The following ADGRB2 variants were observed in gnomAD, a reference collection of about 807,000 sequenced individuals.
ADGRB2 encodes brain-specific angiogenesis inhibitor 2.
ADGRB2 carries 47 observed loss-of-function variants against 178.7 expected under a neutral mutation model. The ratio of observed to expected loss-of-function variants is 0.26; its 90% CI spans 0.21 to 0.34. The LOEUF is 0.34. ADGRB2 is among the 10% of genes least tolerant of loss of function. The pLI, the probability that ADGRB2 is intolerant of heterozygous loss-of-function variation, is 1.00. For synonymous variants in ADGRB2, 870 were observed against 912.4 expected, an observed-to-expected ratio of 0.95 and a Z score of 0.84; for missense variants, 1,584 against 2,180.8, an observed-to-expected ratio of 0.73 and a Z score of 5.45.
In ADGRB2 at chr1:31,742,840, G is replaced by A. The variant is rs1019036110; in HGVS notation, c.1250C>T (p.Pro417Leu). 5 of 1,472,200 alleles carry A rather than the reference G, an allele frequency of 3.4e-6. No individual in the cohort carries two copies. The highest frequency in any genetic ancestry group is 4.5e-5 in the Admixed American group (2 of 44,460). The allele number at this position is 1,472,200 out of a possible 1,614,324, so 91.2% of individuals were successfully genotyped here. Residue 417 changes from proline (P) to leucine (L), a missense_variant and splice_region_variant, in exon 7 of 33, where the codon CCG (proline) becomes CTG (leucine). By Grantham distance (98) the Pro-to-Leu change is moderately conservative. Around this residue, in one of 3 missense-constraint regions of ADGRB2, gnomAD observed 657 missense variants for 847.6 expected, o/e 0.78. Transcript: ENST00000373658. Reference protein sequence around the residue: ...QTKLCSMAACPVEGQWLEWGP... With the variant: ...QTKLCSMAACLVEGQWLEWGP... ...GGAAGCCCACGGGTGCTACTGACCCGGGCAGGCAGCCATACTGCAGAGCTT... is the reference window on the plus strand; with the variant it reads ...GGAAGCCCACGGGTGCTACTGACCCAGGCAGGCAGCCATACTGCAGAGCTT...
Position 31,741,316 on chromosome 1 carries a change from C to T in ADGRB2, c.1794+57G>A. 1 of 1,512,852 alleles carries T rather than the reference C, an allele frequency of 6.6e-7. No individual in the cohort carries two copies. The highest frequency in any genetic ancestry group is 9.0e-7 in the Non-Finnish European group (1 of 1,110,568). The allele number at this position is 1,512,852 out of a possible 1,614,324, so 93.7% of individuals were successfully genotyped here. A position where few individuals can be genotyped will look rare whatever the true frequency, so the allele number is the denominator to read the frequency against. ...GAGCGAGAATCACGCTCCCTCCACC[C>T]CCTAGCAGAGTCTGAGACAGATTCT... On this transcript the variant is annotated intron_variant, in intron 11 of 32. Transcript: ENST00000373658. The surrounding 1 kb of genome is among the most constrained non-coding windows in gnomAD (Gnocchi z 6.5).
intron 4 of ADGRB2, among the ~76,000 whole-genome samples, chr1:31,750,772 C>T (rs1646526125): frequency 6.6e-6 from 1 of 152,084 alleles, no homozygotes; most frequent in Admixed American, 6.5e-5. Context: ...AATCACAGGG[C>T]GCAGTGGGGG....
At position 31,735,245 on chromosome 1, in the gene ADGRB2, G is replaced by C; in HGVS notation, c.3390C>G (p.Pro1130=). The C allele has an allele frequency of 6.8e-7, 1 of 1,469,614 alleles. No individual in the cohort carries two copies. The highest frequency in any genetic ancestry group is 2.5e-5 in the East Asian group (1 of 40,088). The allele number at this position is 1,469,614 out of a possible 1,614,324, so 91.0% of individuals were successfully genotyped here. The change falls in exon 25 of 33, where the codon CCC becomes CCG. Residue 1130 remains proline (P), a synonymous_variant. Coordinates refer to ENST00000373658, the MANE Select transcript of ADGRB2 (RefSeq NM_001364857.2). This position sits in a 1 kb window ranked among gnomAD's most constrained non-coding sequence, Gnocchi z 6.0. The part of the protein sequence containing the change: ...ERCPWASLLL[P]CSACGAVPSP... ...TGGGGACCGCTCCACACGCTGAGCA[G>C]GGGAGGAGCAGGCTGGCCCAGGGGC...
At position 31,728,014 on chromosome 1, in the gene ADGRB2, G is replaced by A; in HGVS notation, c.4572+11C>T. The A allele has an allele frequency of 6.4e-7, 1 of 1,554,752 alleles. No homozygotes were observed. Among genetic ancestry groups the A allele is most frequent in the Admixed American group, 1.9e-5 (1 of 52,724 alleles). ...GGCCCACCTCACCCCACCCAGCCCG[G>A]GGGGACTCACGGTGCACACGCTCCG... On this transcript the variant is annotated intron_variant, in intron 32 of 32. Coordinates refer to ENST00000373658, the MANE Select transcript of ADGRB2 (RefSeq NM_001364857.2). The surrounding 1 kb of genome is among the most constrained non-coding windows in gnomAD (Gnocchi z 6.7).
At position 31,742,897 on chromosome 1, in the gene ADGRB2, C is replaced by T. The variant is rs1230744869; in HGVS notation, c.1193G>A (p.Gly398Asp). 1.9e-6 allele frequency: 3 copies of T among 1,541,358 alleles called. No individual in the cohort carries two copies. The highest frequency in any genetic ancestry group is 2.6e-6 in the Non-Finnish European group (3 of 1,142,762). ...MRTCVPPQHG[G>D]KACEGPELQT... Reference sequence around the variant, plus strand: ...CAGCTCAGGACCCTCGCAGGCCTTGCCGCCGTGCTGGGGGGGCACGCAGGT... The same window carrying T: ...CAGCTCAGGACCCTCGCAGGCCTTGTCGCCGTGCTGGGGGGGCACGCAGGT... Residue 398 changes from glycine to aspartate, a missense_variant, in exon 7 of 33, where the codon GGC becomes GAC. Physicochemically the swap from Gly to Asp is moderately conservative, Grantham distance 94. Transcript: ENST00000373658.
intron 28 of ADGRB2, 135 bp downstream of exon 28, chr1:31,731,980 C>A: frequency 8.7e-7 from 1 of 1,145,438 alleles, no homozygotes; most frequent in Non-Finnish European, 1.3e-6. Flanking sequence ...GCCTTGCGTC[C>A]AGCTCAGGGC....
At chr1:31,732,895 C>A in intron 26 of ADGRB2, 77 bp downstream of exon 26, 7 of 1,488,680 alleles carry the variant, frequency 4.7e-6, no homozygotes, top group Non-Finnish European at 6.3e-6. Context: ...TCGATCCTCC[C>A]GGTCTGCACA....
intron 20 of ADGRB2, 51 bp from the exon 21 acceptor site, chr1:31,736,774 G>A (rs1435047753): frequency 1.3e-6 from 2 of 1,575,388 alleles, no homozygotes; most frequent in African/African-American, 1.4e-5. Context: ...CGCCAGGGCA[G>A]GAGGCGCCGG....
chr1:31,739,174 C>A (rs543972257), intron 15 of ADGRB2, 134 bp downstream of exon 15: 2 of 1,056,658 alleles, frequency 1.9e-6, no homozygotes, highest in East Asian at 2.7e-5. Flanking sequence ...GTGTCCAGAG[C>A]CAGGCAAGGG....
In ADGRB2 at chr1:31,739,523, G is replaced by T. The variant is rs1350972266; in HGVS notation, c.2280C>A (p.Phe760Leu). 1 of 1,613,168 alleles carries T rather than the reference G, an allele frequency of 6.2e-7. No homozygotes were observed. The highest frequency in any genetic ancestry group is 2.2e-5 in the East Asian group (1 of 44,876). ...DWVRHSEDRL[F>L]LPKEVLSLSS... ...AGAGGCTGAGCACCTCCTTGGGCAGGAAGAGGCGGTCCTCTGAGTGCCGCA... is the reference window on the plus strand; with the variant it reads ...AGAGGCTGAGCACCTCCTTGGGCAGTAAGAGGCGGTCCTCTGAGTGCCGCA... The change falls in exon 15 of 33, where the codon TTC (phenylalanine) becomes TTA (leucine). Residue 760 changes from phenylalanine to leucine, a missense_variant. By Grantham distance (22) the Phe-to-Leu change is conservative. Coordinates refer to ENST00000373658, the MANE Select transcript of ADGRB2 (RefSeq NM_001364857.2).
rs759382836 is a variant in ADGRB2, at chr1:31,761,045, G to A, written c.-191+2839C>T. ...GGGCGGTGCCGCGCGGGCGGCGGGG[G>A]AGGGGGCGGTGACTCAGCCGCCCTC... is the stretch of plus-strand genomic sequence containing the variant. On this transcript the variant is annotated intron_variant, in intron 1 of 32. Transcript: ENST00000373658. This position sits in a 1 kb window ranked among gnomAD's most constrained non-coding sequence, Gnocchi z 4.2. 3 of 151,246 alleles carry A rather than the reference G, an allele frequency of 2.0e-5. No homozygotes were observed. The highest frequency in any genetic ancestry group is 4.4e-5 in the Non-Finnish European group (3 of 67,792). The allele number at this position is 151,246 out of a possible 1,614,324, so 9.4% of individuals were successfully genotyped here.
chr1:31,736,835 G>A (rs566515715), intron 20 of ADGRB2, 112 bp from the exon 21 acceptor site: 290 of 1,456,156 alleles, frequency 2.0e-4, no homozygotes, highest in Middle Eastern at 2.5e-4. Context: ...CCTGAGCCCC[G>A]CCCCCCACAG....
In ADGRB2 at chr1:31,743,145, G is replaced by A. The variant is rs1646076542; in HGVS notation, c.1088-143C>T. 1.1e-5 allele frequency: 11 copies of A among 1,006,682 alleles called. No homozygotes were observed. In the South Asian group the frequency reaches 1.4e-4, roughly 13 times the overall value. The allele number at this position is 1,006,682 out of a possible 1,614,324, so 62.4% of individuals were successfully genotyped here. On this transcript the variant is annotated intron_variant, in intron 6 of 32. Coordinates refer to ENST00000373658, the MANE Select transcript of ADGRB2 (RefSeq NM_001364857.2). ...TCTGCCCCGGGATCTGTTGCCAGGG[G>A]GATCTCCCAGGGCCCCACCAAGGCG...
Position 31,756,043 on chromosome 1 carries a change from T to G in ADGRB2, c.794A>C (p.His265Pro). The change falls in exon 4 of 33, where the codon CAC becomes CCC. Residue 265 changes from histidine to proline, a missense_variant. Transcript: ENST00000373658. This position sits in a 1 kb window ranked among gnomAD's most constrained non-coding sequence, Gnocchi z 8.5. The stretch of plus-strand genomic sequence containing the variant: ...GAACAGATCATTGCTGCTCCCCGAG[T>G]GCAAATCGGCCTCAGCAGGTGGGGC... ...GPAPPAEADLHSGSSNDLFTT... is the reference protein window; with the variant it reads ...GPAPPAEADLPSGSSNDLFTT... 6.2e-7 allele frequency: 1 copy of G among 1,613,706 alleles called. No homozygotes were observed. The highest frequency in any genetic ancestry group is 8.5e-7 in the Non-Finnish European group (1 of 1,179,894).
intron 4 of ADGRB2, among the ~76,000 whole-genome samples, chr1:31,752,093 T>C (rs1376415720): frequency 1.3e-5 from 2 of 152,170 alleles, no homozygotes; most frequent in African/African-American, 2.4e-5. Flanking sequence ...CTGGGCGACT[T>C]CAGTCTGTGG....
At chr1:31,730,193 C>T (rs982980217) in intron 29 of ADGRB2, among the ~76,000 whole-genome samples, 2 of 152,236 alleles carry the variant, frequency 1.3e-5, no homozygotes, top group African/African-American at 4.8e-5. Context: ...TCACAGAACA[C>T]ACACAGGCAG....
chr1:31,763,931 G>C lies in ADGRB2; in HGVS notation c.-238C>G. ...GCGGGGGCCGGCGCTGGCGGGGGCG[G>C]CCACGGGGCGCAAGTTTGCCATCCC... On this transcript the variant is annotated 5_prime_UTR_variant, in exon 1 of 33. Transcript: ENST00000373658. The C allele has an allele frequency of 1.0e-6, 1 of 985,590 alleles. No individual in the cohort carries two copies. The highest frequency in any genetic ancestry group is 1.2e-6 in the Non-Finnish European group (1 of 830,086). The allele number at this position is 985,590 out of a possible 1,614,324, so 61.1% of individuals were successfully genotyped here.
Position 31,738,592 on chromosome 1 carries a change from G to A in ADGRB2, c.2640C>T (p.Ser880=). 5.0e-6 allele frequency: 8 copies of A among 1,609,896 alleles called. No individual in the cohort carries two copies. Among genetic ancestry groups the A allele is most frequent in the Non-Finnish European group, 6.8e-6 (8 of 1,178,066 alleles). The change falls in exon 17 of 33, where the codon TCC becomes TCT. Residue 880 remains serine, a synonymous_variant. Transcript: ENST00000373658. ...TDPHCASWDY[S]RADASSGDWD... Reference sequence around the variant, plus strand: ...AGAGGAGCCACCCAACTCACGCTCTGGAGTAGTCCCAGCTGGCGCAATGGG... The same window carrying A: ...AGAGGAGCCACCCAACTCACGCTCTAGAGTAGTCCCAGCTGGCGCAATGGG...
Position 31,763,900 on chromosome 1 carries a change from G to C in ADGRB2, c.-207C>G. On this transcript the variant is annotated 5_prime_UTR_variant, in exon 1 of 33. Coordinates refer to ENST00000373658, the MANE Select transcript of ADGRB2 (RefSeq NM_001364857.2). ...AGCACTCACCTGGGCGCCGTCAGCA[G>C]CAGGAGCGGGGGCCGGCGCTGGCGG... 1.0e-6 allele frequency: 1 copy of C among 985,638 alleles called. No homozygotes were observed. The highest frequency in any genetic ancestry group is 1.2e-6 in the Non-Finnish European group (1 of 830,098). The allele number at this position is 985,638 out of a possible 1,614,324, so 61.1% of individuals were successfully genotyped here.
Sources: gnomAD v4.1 joint callset for allele counts (sites outside exome capture counted in the v4.1 genomes callset) on GRCh38, gnomAD v4.1.1 for gene constraint, gnomAD v4.1.1 regional missense constraint, Gnocchi (gnomAD v3.1) non-coding constraint, MANE v1.5 for transcripts, NCBI Gene and HGNC (gene_info 2026-07-23, HGNC 2026-07-21) for gene names.